Variants in LUC7L observed in about 807,000 individuals in gnomAD.
LUC7L encodes the protein putative RNA-binding protein Luc7-like 1.
A neutral mutation model predicts 51.1 loss-of-function variants in LUC7L; 29 were observed. That is an observed-to-expected ratio of 0.57 (90% CI 0.42 to 0.77). The LOEUF (loss-of-function observed/expected upper bound fraction) is 0.77, where lower values mean the gene tolerates loss of function less well. LUC7L is among the 30% of genes least tolerant of loss of function. The pLI, the probability that LUC7L is intolerant of heterozygous loss-of-function variation, is 0.00. For missense variants in LUC7L, 403 were observed against 511.9 expected (o/e 0.79, Z 2.05); for synonymous variants, 181 against 180.7 (o/e 1.00, Z -0.01).
intron 1 of LUC7L, chr16:229,041 G>A (rs1049794177): frequency 2.8e-6 from 4 of 1,420,808 alleles, no homozygotes; most frequent in Admixed American, 5.7e-5. Context: ...TAGGAAGGAG[G>A]CTGAAGCCCC....
chr16:213,237 G>A (rs1038726485), intron 3 of LUC7L, among the ~76,000 whole-genome samples: 8 of 152,170 alleles, frequency 5.3e-5, no homozygotes, highest in African/African-American at 1.9e-4. Context: ...TCAGGCTGAG[G>A]CTGACTCAGG....
chr16:217,432 C>T (rs755382353), intron 3 of LUC7L, among the ~76,000 whole-genome samples: 23 of 152,168 alleles, frequency 1.5e-4, no homozygotes, highest in Middle Eastern at 3.4e-3. Context: ...ATAGGCTGGG[C>T]GCAGTGGCTC....
At chr16:197,032 C>T (rs778429865) in intron 6 of LUC7L, among the ~76,000 whole-genome samples, 7 of 151,414 alleles carry the variant, frequency 4.6e-5, no homozygotes, top group East Asian at 1.9e-4. Flanking sequence ...CTCGGCCTCC[C>T]GAGTAGCTGG....
intron 5 of LUC7L, 112 bp from the exon 6 acceptor site, chr16:199,350 T>C (rs1404254430): frequency 4.4e-6 from 3 of 687,070 alleles, no homozygotes; most frequent in Non-Finnish European, 4.8e-6. Flanking sequence ...TTTAAACAAA[T>C]ATTAAAAAAA....
chr16:217,739 T>C (rs1430712238), intron 3 of LUC7L, among the ~76,000 whole-genome samples: 1 of 142,274 alleles, frequency 7.0e-6, no homozygotes, highest in Non-Finnish European at 1.5e-5. Flanking sequence ...TTTAAATAAA[T>C]AAACAGAATT....
At chr16:189,699 C>T in intron 9 of LUC7L, 1 of 1,354,478 alleles carries the variant, frequency 7.4e-7, no homozygotes, top group Non-Finnish European at 9.5e-7. Flanking sequence ...ACACAAGTCT[C>T]AGCCACTCTG....
intron 5 of LUC7L, among the ~76,000 whole-genome samples, chr16:200,936 G>A (rs1246545688): frequency 1.3e-5 from 2 of 151,906 alleles, no homozygotes; most frequent in Non-Finnish European, 2.9e-5. Context: ...TGCAATCCCA[G>A]CACTTTGGGA....
chr16:221,893 C>T (rs1445165726), intron 2 of LUC7L, among the ~76,000 whole-genome samples: 1 of 152,136 alleles, frequency 6.6e-6, no homozygotes, highest in African/African-American at 2.4e-5. Flanking sequence ...CTTTGTGTAG[C>T]TGATTGTGTA....
intron 3 of LUC7L, chr16:208,699 G>C (rs1003873010): frequency 3.9e-5 from 35 of 895,354 alleles, no homozygotes; most frequent in Middle Eastern, 5.7e-4. Flanking sequence ...ATATTACTGA[G>C]AGCTATGAAT....
intron 5 of LUC7L, among the ~76,000 whole-genome samples, chr16:201,123 C>T (rs371346462): frequency 2.4e-4 from 35 of 143,250 alleles, no homozygotes; most frequent in Admixed American, 1.7e-3. Flanking sequence ...GAGCCGAGAT[C>T]GCACCACAGC....
intron 3 of LUC7L, among the ~76,000 whole-genome samples, chr16:211,364 A>G (rs146060372): frequency 6.6e-6 from 1 of 151,842 alleles, no homozygotes; most frequent in African/African-American, 2.4e-5. Context: ...AGGCTGAGGC[A>G]GGAGAATCGC....
chr16:196,101 T>C (rs1009698188), intron 6 of LUC7L, among the ~76,000 whole-genome samples: 7 of 150,624 alleles, frequency 4.6e-5, no homozygotes, highest in Admixed American at 2.7e-4. Context: ...AGATTGCAGA[T>C]ATTAAAAAAA....
At position 227,704 on chromosome 16, in the gene LUC7L, G is replaced by A. The variant is rs150045279; in HGVS notation, c.62-368C>T. On this transcript the variant is annotated intron_variant, in intron 1 of 9. Coordinates refer to ENST00000293872, the MANE Select transcript of LUC7L (RefSeq NM_201412.3). ...TGAACCACCAAGGGTGACTTATAGAGCTGGTAATTTCCACCAACAAAAGCT... is the reference window on the plus strand; with the variant it reads ...TGAACCACCAAGGGTGACTTATAGAACTGGTAATTTCCACCAACAAAAGCT... 146 of 1,031,634 alleles carry A rather than the reference G, an allele frequency of 1.4e-4. 1 individual carries two copies. The East Asian group carries it at 5.2e-3, about 37-fold the overall frequency. 63.9% of individuals were successfully genotyped at this position (1,031,634 alleles called of 1,614,324 possible).
intron 1 of LUC7L, chr16:228,810 G>T: frequency 7.8e-7 from 1 of 1,290,238 alleles, no homozygotes; most frequent in Non-Finnish European, 1.0e-6. Context: ...CTCAGTTTAC[G>T]GTTCCCCTTG....
chr16:207,157 C>A (rs1211377), intron 4 of LUC7L, among the ~76,000 whole-genome samples: 78,463 of 151,236 alleles, frequency 0.52, 20,564 homozygotes, highest in East Asian at 0.67. Context: ...CGAGATCACG[C>A]CACTGCCCTC....
chr16:228,482 A>G, intron 1 of LUC7L: 1 of 1,247,044 alleles, frequency 8.0e-7, no homozygotes, highest in Non-Finnish European at 1.0e-6. Context: ...AAAGCAACTC[A>G]ATATACAAAG....
intron 6 of LUC7L, among the ~76,000 whole-genome samples, chr16:196,826 C>G (rs932929326): frequency 1.3e-5 from 2 of 151,028 alleles, no homozygotes; most frequent in African/African-American, 4.9e-5. Flanking sequence ...CATGCCTGGC[C>G]AAAAGCAAAT....
At chr16:201,963 CG>C (rs113416948) in intron 5 of LUC7L, among the ~76,000 whole-genome samples, 20 of 152,026 alleles carry the variant, frequency 1.3e-4, no homozygotes, top group African/African-American at 3.9e-4. Flanking sequence ...AGGCTGGTCT[CG>C]AACTCCTGAC....
intron 6 of LUC7L, among the ~76,000 whole-genome samples, chr16:193,878 G>A (rs1240431804): frequency 1.4e-5 from 2 of 145,708 alleles, no homozygotes; most frequent in Admixed American, 7.0e-5. Flanking sequence ...ATCTCGGCTC[G>A]CCGCAAGCTC....
Sources: allele counts gnomAD v4.1 joint callset (sites outside exome capture counted in the v4.1 genomes callset), GRCh38; gene constraint gnomAD v4.1.1; transcripts MANE v1.5; gene names NCBI Gene and HGNC (gene_info 2026-07-23, HGNC 2026-07-21).